Variants in KANK1 observed in about 807,000 individuals in gnomAD.
The protein encoded by KANK1 is KN motif and ankyrin repeat domains 1, also known as KN motif and ankyrin repeat domain-containing protein 1.
In KANK1, 109 loss-of-function variants were observed where a neutral mutation model predicts 106.2. That is an observed-to-expected ratio of 1.03 (90% CI 0.88 to 1.20). The LOEUF is 1.20. KANK1 is among the 50% of genes most tolerant of loss of function. The probability of loss-of-function intolerance (pLI) is 0.00; values close to 1 mark genes in which losing one functional copy is unlikely to be tolerated. For synonymous variants in KANK1, 873 were observed against 652.2 expected (o/e 1.34, Z -5.16); for missense variants, 2,399 against 1,710.7 (o/e 1.40, Z -7.10).
At chr9:470,883 G>T (rs938528868) in intron 2 of KANK1, 1 of 152,318 alleles carries the variant, frequency 6.6e-6, no homozygotes, top group African/African-American at 2.4e-5. Context: ...CTTGAGAGCA[G>T]CAGCCCTCTT....
intron 3 of KANK1, among the ~76,000 whole-genome samples, chr9:490,256 C>T (rs1445727269): frequency 6.6e-6 from 1 of 152,188 alleles, no homozygotes; most frequent in Non-Finnish European, 1.5e-5. Context: ...AATCCCAGTA[C>T]TTTGGGAGCC....
In KANK1 at chr9:635,545, C is replaced by G. The variant is rs561799620; in HGVS notation, c.-83-41345C>G. ...TCCTAGTCATATCAGCCCCTTGAGA[C>G]TGGAGCTAGTCTTCAAAATGGAATA... On this transcript the variant is annotated intron_variant, in intron 1 of 11. Coordinates refer to ENST00000382297, the MANE Select transcript of KANK1 (RefSeq NM_015158.5). 6.2e-4 allele frequency among the ~76,000 whole-genome samples: 95 copies of G among 152,240 alleles called. 1 individual carries two copies. Among genetic ancestry groups the G allele is most frequent in the African/African-American group, 2.3e-3 (94 of 41,524 alleles).
intron 1 of KANK1, among the ~76,000 whole-genome samples, chr9:547,162 G>C (rs1401121111): frequency 6.6e-6 from 1 of 152,198 alleles, no homozygotes; most frequent in Non-Finnish European, 1.5e-5. Flanking sequence ...CCTTAGACAT[G>C]CTGGCTGCTC....
chr9:632,724 C>G (rs1187917919), intron 1 of KANK1, among the ~76,000 whole-genome samples: 1 of 152,142 alleles, frequency 6.6e-6, no homozygotes, highest in Admixed American at 6.5e-5. Context: ...GAGTCTCTCT[C>G]TGTTGCCCAG....
intron 2 of KANK1, chr9:471,649 T>TC (rs1250561321): frequency 2.6e-5 from 4 of 152,172 alleles, no homozygotes; most frequent in Admixed American, 2.6e-4. Context: ...ACCCCTGCAA[T>TC]CCCAGGGTTC....
At chr9:589,782 T>C (rs1484764728) in intron 1 of KANK1, among the ~76,000 whole-genome samples, 1 of 152,154 alleles carries the variant, frequency 6.6e-6, no homozygotes, top group African/African-American at 2.4e-5. Context: ...GTGGTAGGTT[T>C]GGGGTTTTAG....
intron 3 of KANK1, among the ~76,000 whole-genome samples, chr9:714,428 C>T (rs977192519): frequency 1.4e-4 from 21 of 147,880 alleles, no homozygotes; most frequent in African/African-American, 3.3e-4. Context: ...GGTGCCATCT[C>T]GGCTCACTGC....
chr9:677,913 C>T lies in KANK1; in HGVS notation c.37+904C>T, dbSNP rs1370392802. ...GCAGGGCTATTTCTCCACATGTAAACCATCGGTAAGTATATCCACCTGCCG... is the reference window on the plus strand; with the variant it reads ...GCAGGGCTATTTCTCCACATGTAAATCATCGGTAAGTATATCCACCTGCCG... On this transcript the variant is annotated intron_variant, in intron 2 of 11. Coordinates refer to ENST00000382297, the MANE Select transcript of KANK1 (RefSeq NM_015158.5). Among the ~76,000 whole-genome samples, 3 of 152,176 alleles carry T rather than the reference C, an allele frequency of 2.0e-5. 1 individual carries two copies. The highest frequency in any genetic ancestry group is 4.1e-4 in the South Asian group (2 of 4,828).
intron 1 of KANK1, among the ~76,000 whole-genome samples, chr9:669,888 A>G (rs1374905091): frequency 6.6e-6 from 1 of 151,968 alleles, no homozygotes; most frequent in Non-Finnish European, 1.5e-5. Flanking sequence ...GTAATTTTCT[A>G]TATCTTGTAG....
chr9:506,558 G>GCGCGCT (rs1247710966), intron 1 of KANK1, among the ~76,000 whole-genome samples: 1 of 151,966 alleles, frequency 6.6e-6, no homozygotes, highest in Non-Finnish European at 1.5e-5. Flanking sequence ...GCGTGTGCGT[G>GCGCGCT]CGCGCTCGGC....
At chr9:581,299 G>C (rs923098609) in intron 1 of KANK1, among the ~76,000 whole-genome samples, 1 of 152,238 alleles carries the variant, frequency 6.6e-6, no homozygotes, top group African/African-American at 2.4e-5. Flanking sequence ...CTGACAGCAC[G>C]TTGTCACCTC....
intron 2 of KANK1, among the ~76,000 whole-genome samples, chr9:685,813 G>C (rs552448781): frequency 6.6e-6 from 1 of 152,260 alleles, no homozygotes; most frequent in Non-Finnish European, 1.5e-5. Context: ...TCTGAATTTA[G>C]TCTCACAATA....
intron 7 of KANK1, among the ~76,000 whole-genome samples, chr9:735,975 A>C (rs938913179): frequency 6.6e-6 from 1 of 152,138 alleles, no homozygotes; most frequent in Non-Finnish European, 1.5e-5. Flanking sequence ...AGCCTGGGTG[A>C]CAGAGTGAGA....
chr9:611,819 A>G (rs567311212), intron 1 of KANK1, among the ~76,000 whole-genome samples: 8 of 152,248 alleles, frequency 5.3e-5, no homozygotes, highest in East Asian at 1.9e-4. Flanking sequence ...CCCGGGTTCA[A>G]CCGATTTTCC....
intron 1 of KANK1, among the ~76,000 whole-genome samples, chr9:545,930 T>C (rs1200681227): frequency 6.6e-6 from 1 of 151,968 alleles, no homozygotes; most frequent in Non-Finnish European, 1.5e-5. Context: ...GTATTTTTAG[T>C]AGAGACAGGG....
At chr9:625,737 G>A (rs10122300) in intron 1 of KANK1, among the ~76,000 whole-genome samples, 4,192 of 152,282 alleles carry the variant, frequency 0.028, 197 homozygotes, top group African/African-American at 0.094. Context: ...ATGGGAAGAA[G>A]TTTTGAGTCT....
intron 1 of KANK1, among the ~76,000 whole-genome samples, chr9:655,940 C>T (rs1170302416): frequency 6.6e-6 from 1 of 152,184 alleles, no homozygotes; most frequent in Non-Finnish European, 1.5e-5. Context: ...TCCCAGGATT[C>T]ACGGAGTTTG....
chr9:485,639 G>A (rs181975295), intron 3 of KANK1, among the ~76,000 whole-genome samples: 120 of 152,252 alleles, frequency 7.9e-4, no homozygotes, highest in African/African-American at 2.7e-3. Context: ...TTGAGAGGCC[G>A]AGGCGGGCAG....
At chr9:512,712 T>C (rs1380200581) in intron 1 of KANK1, among the ~76,000 whole-genome samples, 1 of 152,130 alleles carries the variant, frequency 6.6e-6, no homozygotes, top group African/African-American at 2.4e-5. Context: ...GACATCGACC[T>C]GCCACTTGAT....
Sources: gnomAD v4.1 joint callset for allele counts (sites outside exome capture counted in the v4.1 genomes callset) on GRCh38, gnomAD v4.1.1 for gene constraint, MANE v1.5 for transcripts, NCBI Gene and HGNC (gene_info 2026-07-23, HGNC 2026-07-21) for gene names.